BICDL1: variants seen among roughly 807,000 people sequenced by gnomAD.
BICDL1 encodes BICD family like cargo adaptor 1, also known as BICD family-like cargo adapter 1.
Under a neutral mutation model 76.8 loss-of-function variants are expected in BICDL1, and 20 were observed. The ratio of observed to expected loss-of-function variants is 0.26; its 90% CI spans 0.18 to 0.38. The LOEUF is 0.38. Ranked by LOEUF, BICDL1 falls within the 10% of genes least tolerant of loss-of-function variation. The pLI is 1.00. For synonymous variants in BICDL1, 383 were observed against 337.1 expected, an observed-to-expected ratio of 1.14 and a Z score of -1.49; for missense variants, 700 against 798.6, an observed-to-expected ratio of 0.88 and a Z score of 1.49.
At chr12:120,021,609 A>AAG (rs1475449530) in intron 2 of BICDL1, among the ~76,000 whole-genome samples, 140 of 139,408 alleles carry the variant, frequency 1.0e-3, no homozygotes, top group African/African-American at 3.6e-3. Context: ...AAAAAAAAAA[A>AAG]AGAGAATCAG....
chr12:120,074,164 G>A (rs567371034), intron 6 of BICDL1, among the ~76,000 whole-genome samples: 3 of 152,042 alleles, frequency 2.0e-5, no homozygotes, highest in East Asian at 3.9e-4. Flanking sequence ...CTGCTGCCTC[G>A]GCCTCCCAAA....
chr12:120,091,594 A>G (rs1874975534), intron 9 of BICDL1: 1 of 984,692 alleles, frequency 1.0e-6, no homozygotes, highest in Admixed American at 6.2e-5. Context: ...AAGAGAAGGG[A>G]AGAAGACAAG....
At chr12:120,005,901 C>T (rs1951842229) in intron 2 of BICDL1, among the ~76,000 whole-genome samples, 1 of 152,144 alleles carries the variant, frequency 6.6e-6, no homozygotes, top group African/African-American at 2.4e-5. Context: ...CATTTTTGCA[C>T]TCTTCACATT....
At chr12:120,031,475 A>G (rs1952422906) in intron 2 of BICDL1, among the ~76,000 whole-genome samples, 1 of 152,164 alleles carries the variant, frequency 6.6e-6, no homozygotes, top group South Asian at 2.1e-4. Flanking sequence ...AAGTGCTGAG[A>G]TTACAGGCTA....
chr12:120,066,062 GTTGATGA>G (rs1469226257), intron 4 of BICDL1, among the ~76,000 whole-genome samples: 3 of 152,212 alleles, frequency 2.0e-5, no homozygotes, highest in Non-Finnish European at 2.9e-5. Context: ...ATTTTTCAAG[GTTGATGA>G]TAATAATAGC....
intron 2 of BICDL1, among the ~76,000 whole-genome samples, chr12:120,050,236 G>A (rs1327423598): frequency 6.6e-6 from 1 of 151,356 alleles, no homozygotes. Flanking sequence ...CCCAGTCTGA[G>A]CTTTATAGAT....
In BICDL1 at chr12:120,093,850, C is replaced by G. The variant is rs1258872487; in HGVS notation, c.*689C>G. On this transcript the variant is annotated 3_prime_UTR_variant, in exon 10 of 10. Coordinates refer to ENST00000548673, the MANE Select transcript of BICDL1 (RefSeq NM_001367886.1). ...CCCTCCCAGCCTTCAGTCTCTGCCC[C>G]TTAGCAGGGCCTGGCCAGGCAGAGT... 2 of 208,574 alleles carry G rather than the reference C, an allele frequency of 9.6e-6. No homozygotes were observed. Among genetic ancestry groups the G allele is most frequent in the Admixed American group, 1.1e-4 (2 of 18,586 alleles). The allele number at this position is 208,574 out of a possible 1,614,324, so 12.9% of individuals were successfully genotyped here.
At chr12:120,045,010 C>T (rs1228858660) in intron 2 of BICDL1, among the ~76,000 whole-genome samples, 1 of 152,156 alleles carries the variant, frequency 6.6e-6, no homozygotes, top group Non-Finnish European at 1.5e-5. Context: ...AGAAAATTTT[C>T]GCAACCTACT....
intron 2 of BICDL1, among the ~76,000 whole-genome samples, chr12:120,043,769 G>A (rs1203254505): frequency 6.6e-6 from 1 of 152,210 alleles, no homozygotes; most frequent in Non-Finnish European, 1.5e-5. Flanking sequence ...TTTGCAAGAA[G>A]CCCTCACTTA....
In BICDL1 at chr12:119,989,976, TC is replaced by T; in HGVS notation, c.111del (p.Ala38ProfsTer15). The T allele has an allele frequency of 6.8e-7, 1 of 1,467,948 alleles. No homozygotes were observed. Among genetic ancestry groups the T allele is most frequent in the South Asian group, 1.4e-5 (1 of 72,874 alleles). 90.9% of individuals were successfully genotyped at this position (1,467,948 alleles called of 1,614,324 possible). The stretch of plus-strand genomic sequence containing the variant: ...CCGCGGCCGGGGACGCAGTCCGGAG[TC>T]CCGCCGCCGCCGCCGCCCTCATCTT... ...PAAAGDAVRS[P>X]AAAAALIFPG... On this transcript the variant is annotated frameshift_variant, in exon 1 of 10. Transcript: ENST00000548673. LOFTEE classifies it high-confidence loss of function.
intron 2 of BICDL1, among the ~76,000 whole-genome samples, chr12:120,047,756 AC>A (rs1164500534): frequency 3.9e-5 from 6 of 152,116 alleles, no homozygotes; most frequent in Non-Finnish European, 8.8e-5. Flanking sequence ...ACAGCTATGT[AC>A]TTTGTTTATT....
At chr12:120,085,310 G>T (rs1005024833) in intron 8 of BICDL1, among the ~76,000 whole-genome samples, 1 of 152,136 alleles carries the variant, frequency 6.6e-6, no homozygotes, top group Non-Finnish European at 1.5e-5. Flanking sequence ...AAGTAGCCAG[G>T]TTGGAGGATC....
intron 2 of BICDL1, among the ~76,000 whole-genome samples, chr12:120,014,446 C>T (rs1952019199): frequency 6.6e-6 from 1 of 152,128 alleles, no homozygotes; most frequent in East Asian, 1.9e-4. Flanking sequence ...GTAATCTCAG[C>T]ACTTTGGGAG....
intron 2 of BICDL1, among the ~76,000 whole-genome samples, chr12:120,025,167 C>T (rs1952267863): frequency 6.6e-6 from 1 of 151,694 alleles, no homozygotes; most frequent in Non-Finnish European, 1.5e-5. Flanking sequence ...TCTCCCGCCT[C>T]AGCCTCCCGA....
intron 8 of BICDL1, among the ~76,000 whole-genome samples, chr12:120,086,257 T>C (rs969323934): frequency 2.6e-5 from 4 of 152,208 alleles, no homozygotes; most frequent in African/African-American, 4.8e-5. Context: ...GGATAGTTCT[T>C]TTCCCATACC....
At chr12:120,018,239 G>A (rs1205133326) in intron 2 of BICDL1, among the ~76,000 whole-genome samples, 1 of 152,234 alleles carries the variant, frequency 6.6e-6, no homozygotes. Flanking sequence ...TGATTGTAAT[G>A]TGTAGGCAAA....
At chr12:120,021,637 T>C (rs1427638491) in intron 2 of BICDL1, among the ~76,000 whole-genome samples, 1 of 139,536 alleles carries the variant, frequency 7.2e-6, no homozygotes, top group Non-Finnish European at 1.5e-5. Flanking sequence ...TGGTGGCTCA[T>C]GCCTGTAATC....
At chr12:120,091,913 C>T in intron 9 of BICDL1, 1 of 985,252 alleles carries the variant, frequency 1.0e-6, no homozygotes, top group African/African-American at 1.7e-5. Context: ...CACAGGGAGC[C>T]TGCCCTGAAC....
chr12:120,048,238 A>G (rs571582393), intron 2 of BICDL1, among the ~76,000 whole-genome samples: 2 of 151,924 alleles, frequency 1.3e-5, no homozygotes, highest in Non-Finnish European at 2.9e-5. Flanking sequence ...TGGAGTACAG[A>G]AGCTATTTGC....
Sources: allele counts gnomAD v4.1 joint callset (sites outside exome capture counted in the v4.1 genomes callset), GRCh38; gene constraint gnomAD v4.1.1; transcripts MANE v1.5; gene names NCBI Gene and HGNC (gene_info 2026-07-23, HGNC 2026-07-21).